DIP2C: variants seen among roughly 807,000 people sequenced by gnomAD.
DIP2C encodes disco-interacting protein 2 homolog C.
DIP2C carries 33 observed loss-of-function variants against 192.4 expected under a neutral mutation model. The observed-to-expected ratio is 0.17, with a 90% CI of 0.13 to 0.23. The LOEUF (loss-of-function observed/expected upper bound fraction) is 0.23, where lower values mean the gene tolerates loss of function less well. Ranked by LOEUF, DIP2C falls within the 10% of genes least tolerant of loss-of-function variation. DIP2C has a pLI of 1.00. For synonymous variants in DIP2C, 979 were observed against 864.1 expected (o/e 1.13, Z -2.33); for missense variants, 1,537 against 2,110.1 (o/e 0.73, Z 5.32).
rs766853343 is a variant in DIP2C at position 390,309 on chromosome 10, C to A, written c.1449G>T (p.Trp483Cys). The A allele has an allele frequency of 2.5e-6, 4 of 1,613,942 alleles. No individual in the cohort carries two copies. In the East Asian group the frequency reaches 6.7e-5, roughly 27 times the overall value. Residue 483 changes from tryptophan to cysteine, a missense_variant, in exon 12 of 37, where the codon TGG (tryptophan) becomes TGT (cysteine). By Grantham distance (215) the Trp-to-Cys change is radical. Transcript: ENST00000280886. Reference sequence around the variant, plus strand: ...TATTGGCATCTTTAATGTGTGGGAACCAGTCTCGGGGCGGTTTGGAGAGAT... The same window carrying A: ...TATTGGCATCTTTAATGTGTGGGAAACAGTCTCGGGGCGGTTTGGAGAGAT... ...SKHLSKPPRD[W>C]FPHIKDANND...
intron 4 of DIP2C, among the ~76,000 whole-genome samples, chr10:424,382 T>TTTTTTTTTTTTTTTTTTG (rs1388302720): frequency 2.0e-5 from 2 of 101,362 alleles, no homozygotes. Flanking sequence ...TTTTTTTTTT[T>TTTTTTTTTTTTTTTTTTG]TGAGACAGAG....
At chr10:423,250 A>G (rs1293113551) in intron 4 of DIP2C, among the ~76,000 whole-genome samples, 3 of 152,234 alleles carry the variant, frequency 2.0e-5, no homozygotes, top group African/African-American at 7.2e-5. Flanking sequence ...TAAACATGCT[A>G]TAAGATGTTT....
At chr10:617,535 A>G (rs1185701183) in intron 1 of DIP2C, among the ~76,000 whole-genome samples, 1 of 152,080 alleles carries the variant, frequency 6.6e-6, no homozygotes, top group Non-Finnish European at 1.5e-5. Context: ...TCCCAACAGT[A>G]GCTGTGGAGG....
At chr10:530,569 G>C (rs1287475461) in intron 1 of DIP2C, among the ~76,000 whole-genome samples, 2 of 147,998 alleles carry the variant, frequency 1.4e-5, no homozygotes, top group African/African-American at 5.0e-5. Flanking sequence ...TGTAAGCCCA[G>C]CACTTTGGGA....
intron 4 of DIP2C, among the ~76,000 whole-genome samples, chr10:438,682 G>C (rs1967475625): frequency 6.6e-6 from 1 of 151,554 alleles, no homozygotes; most frequent in Non-Finnish European, 1.5e-5. Context: ...GTGGAGACAG[G>C]GTTTTGGAAT....
intron 11 of DIP2C, 62 bp downstream of exon 11, chr10:390,678 C>CCCG: frequency 6.4e-7 from 1 of 1,574,370 alleles, no homozygotes; most frequent in Non-Finnish European, 8.6e-7. Context: ...GTGACGTATT[C>CCCG]CCGCACCCGT....
chr10:348,912 T>A, intron 25 of DIP2C, 150 bp from the exon 26 acceptor site: 1 of 1,232,848 alleles, frequency 8.1e-7, no homozygotes, highest in Non-Finnish European at 1.1e-6. Flanking sequence ...GCGGGTTTTG[T>A]CAGCTTTGGC....
chr10:623,141 G>A (rs976031649), intron 1 of DIP2C, among the ~76,000 whole-genome samples: 29 of 152,264 alleles, frequency 1.9e-4, no homozygotes, highest in Admixed American at 4.6e-4. Context: ...CGGAGCACGC[G>A]TGTGAAGATT....
Position 672,374 on chromosome 10 carries a change from C to G in DIP2C, c.85+17120G>C, listed in dbSNP as rs1451044676. Among the ~76,000 whole-genome samples the G allele has an allele frequency of 2.0e-5, 3 of 152,238 alleles. No individual in the cohort carries two copies. The East Asian group carries it at 5.8e-4, about 29-fold the overall frequency. Reference sequence around the variant, plus strand: ...ACGCGCACACGCCAGTGTGGAACATCGGACAGGAACGTCCCGGCCATGCAC... The same window carrying G: ...ACGCGCACACGCCAGTGTGGAACATGGGACAGGAACGTCCCGGCCATGCAC... On this transcript the variant is annotated intron_variant, in intron 1 of 36. Transcript: ENST00000280886.
intron 3 of DIP2C, among the ~76,000 whole-genome samples, chr10:441,466 C>T (rs1967725104): frequency 6.6e-6 from 1 of 152,174 alleles, no homozygotes; most frequent in Non-Finnish European, 1.5e-5. Context: ...CAAATCTCAA[C>T]TTGAATTATA....
At chr10:488,396 T>C (rs1363396193) in intron 1 of DIP2C, among the ~76,000 whole-genome samples, 1 of 152,192 alleles carries the variant, frequency 6.6e-6, no homozygotes, top group Non-Finnish European at 1.5e-5. Context: ...GTTTAATCCT[T>C]ATAAGAACTT....
At chr10:359,116 G>A (rs1959195566) in intron 22 of DIP2C, among the ~76,000 whole-genome samples, 1 of 152,122 alleles carries the variant, frequency 6.6e-6, no homozygotes, top group South Asian at 2.1e-4. Flanking sequence ...AGCTGACGGG[G>A]CAGTGGCACA....
At chr10:660,348 A>G (rs1487521740) in intron 1 of DIP2C, among the ~76,000 whole-genome samples, 1 of 150,364 alleles carries the variant, frequency 6.7e-6, no homozygotes, top group Non-Finnish European at 1.5e-5. Flanking sequence ...CAGAGATCCT[A>G]GCCCTTGTCC....
chr10:662,664 TCA>T, intron 1 of DIP2C: 3 of 567,748 alleles, frequency 5.3e-6, no homozygotes, highest in Non-Finnish European at 6.3e-6. Flanking sequence ...TTTTTCTTTT[TCA>T]TCTTTTTAAA....
At position 351,647 on chromosome 10, in the gene DIP2C, A is replaced by G. The variant is rs1958816636; in HGVS notation, c.2986-2193T>C. Among the ~76,000 whole-genome samples the G allele has an allele frequency of 3.9e-5, 6 of 152,358 alleles. No homozygotes were observed. In the South Asian group the frequency reaches 1.2e-3, roughly 32 times the overall value. On this transcript the variant is annotated intron_variant, in intron 24 of 36. Transcript: ENST00000280886. ...AACTGATTTAAAGTAGAAGAGCCCA[A>G]GAGCAGGTGGCAGCAGAGATGGGCA...
At chr10:502,497 C>T (rs1389710199) in intron 1 of DIP2C, among the ~76,000 whole-genome samples, 1 of 152,074 alleles carries the variant, frequency 6.6e-6, no homozygotes, top group African/African-American at 2.4e-5. Context: ...ATGTTAAACT[C>T]AAAGCCAGAA....
At position 619,537 on chromosome 10, in the gene DIP2C, G is replaced by GCCCTCCCACCCTCCCACCCT. The variant is rs528029497; in HGVS notation, c.85+69956_85+69957insAGGGTGGGAGGGTGGGAGGG. Among the ~76,000 whole-genome samples the GCCCTCCCACCCTCCCACCCT allele has an allele frequency of 5.3e-3, 271 of 51,382 alleles. 2 individuals carry two copies. Among genetic ancestry groups the GCCCTCCCACCCTCCCACCCT allele is most frequent in the African/African-American group, 0.011 (212 of 19,282 alleles). 33.7% of individuals were successfully genotyped at this position (51,382 alleles called of 152,430 possible). ...GCCAGGGCCAGGACCAAGCCCGCCC[G>GCCCTCCCACCCTCCCACCCT]CCCGCCCTCCCACCCAGCTCCTCAC... On this transcript the variant is annotated intron_variant, in intron 1 of 36. Transcript: ENST00000280886.
chr10:326,871 G>A (rs556459427), intron 31 of DIP2C, 135 bp downstream of exon 31: 22 of 1,041,794 alleles, frequency 2.1e-5, no homozygotes, highest in South Asian at 3.5e-5. Flanking sequence ...TGCACCAACC[G>A]CATGCGTGTG....
At chr10:511,460 TA>T (rs1846006581) in intron 1 of DIP2C, among the ~76,000 whole-genome samples, 2 of 152,254 alleles carry the variant, frequency 1.3e-5, no homozygotes, top group African/African-American at 4.8e-5. Context: ...ACCAAGGTGC[TA>T]CTAGTGCCTT....
Sources: gnomAD v4.1 joint callset for allele counts (sites outside exome capture counted in the v4.1 genomes callset) on GRCh38, gnomAD v4.1.1 for gene constraint, MANE v1.5 for transcripts, NCBI Gene and HGNC (gene_info 2026-07-23, HGNC 2026-07-21) for gene names.